Variants in GPR137B observed in about 807,000 individuals in gnomAD.
The protein encoded by GPR137B is integral membrane protein GPR137B.
In GPR137B, 42 loss-of-function variants were observed where a neutral mutation model predicts 42.5. The observed-to-expected ratio is 0.99, with a 90% confidence interval of 0.77 to 1.28. The LOEUF is 1.28. Among genes scored for constraint, GPR137B ranks in the 50% most tolerant of loss-of-function variants. The pLI is 0.00. For missense variants in GPR137B, 487 were observed against 493.9 expected (o/e 0.99, Z 0.13); for synonymous variants, 218 against 209.7 (o/e 1.04, Z -0.34).
intron 5 of GPR137B, among the ~76,000 whole-genome samples, chr1:236,189,307 C>T (rs1424926678): frequency 6.6e-5 from 10 of 151,826 alleles, no homozygotes; most frequent in African/African-American, 1.2e-4. Context: ...AAGGGTTTTT[C>T]GTGTCTCTAT....
Position 236,144,549 on chromosome 1 carries a change from AATCTTT to A in GPR137B, c.414+1514_414+1519del, listed in dbSNP as rs1661629995. 4.6e-5 allele frequency among the ~76,000 whole-genome samples: 7 copies of A among 152,366 alleles called. No homozygotes were observed. The East Asian group carries it at 7.7e-4, about 17-fold the overall frequency. ...ATATGTGATATTTTGTAGATAGTAT[AATCTTT>A]TAAAAATGGGTCTACACTCAGACTT... On this transcript the variant is annotated intron_variant, in intron 1 of 6. Coordinates refer to ENST00000366592, the MANE Select transcript of GPR137B (RefSeq NM_003272.4).
At chr1:236,164,299 T>G (rs902984855) in intron 1 of GPR137B, among the ~76,000 whole-genome samples, 13 of 152,230 alleles carry the variant, frequency 8.5e-5, no homozygotes, top group African/African-American at 3.1e-4. Context: ...TGGCCTCATT[T>G]GTTCCTTAGC....
chr1:236,152,626 C>T (rs189783105), intron 1 of GPR137B, among the ~76,000 whole-genome samples: 6 of 151,774 alleles, frequency 4.0e-5, no homozygotes, highest in Admixed American at 2.6e-4. Context: ...GCGTGGTGGG[C>T]GCCTGTAATC....
At chr1:236,206,826 G>A (rs544173934) in intron 6 of GPR137B, among the ~76,000 whole-genome samples, 2 of 104,070 alleles carry the variant, frequency 1.9e-5, no homozygotes, top group African/African-American at 5.1e-5. Flanking sequence ...GCTCTGAGAC[G>A]GTGAGGCCAG....
rs1442300398 is a variant in GPR137B at position 236,142,671 on chromosome 1, G to A, written c.49G>A (p.Glu17Lys). 1 of 1,548,510 alleles carries A rather than the reference G, an allele frequency of 6.5e-7. No individual in the cohort carries two copies. Among genetic ancestry groups the A allele is most frequent in the Non-Finnish European group, 8.7e-7 (1 of 1,152,778 alleles). ...GCGCGGCAGCGCCCCCGGCCCGATG[G>A]AGACCCCGCCGTGGGACCCAGCCCG... ...RPRGSAPGPM[E>K]TPPWDPARND... is the part of the protein sequence containing the mutation. Residue 17 changes from glutamate (E) to lysine (K), a missense_variant, in exon 1 of 7, where the codon GAG (glutamate) becomes AAG (lysine). By Grantham distance (56) the Glu-to-Lys change is moderately conservative (BLOSUM62 1). Coordinates refer to ENST00000366592, the MANE Select transcript of GPR137B (RefSeq NM_003272.4).
intron 1 of GPR137B, among the ~76,000 whole-genome samples, chr1:236,161,303 C>T (rs937902981): frequency 6.6e-5 from 10 of 152,158 alleles, no homozygotes; most frequent in African/African-American, 2.2e-4. Context: ...GGCTGGTCCA[C>T]ACCCCAGCCC....
At chr1:236,192,952 TG>T (rs2102920701) in intron 5 of GPR137B, among the ~76,000 whole-genome samples, 1 of 152,048 alleles carries the variant, frequency 6.6e-6, no homozygotes, top group South Asian at 2.1e-4. Context: ...TGGAGTGGAG[TG>T]GGGTGATCTC....
In GPR137B at chr1:236,156,567, A is replaced by G. The variant is rs1381297558; in HGVS notation, c.415-12139A>G. Among the ~76,000 whole-genome samples the G allele has an allele frequency of 6.6e-6, 1 of 152,176 alleles. No homozygotes were observed. The highest frequency in any genetic ancestry group is 1.5e-5 in the Non-Finnish European group (1 of 68,026). On this transcript the variant is annotated intron_variant, in intron 1 of 6. Coordinates refer to ENST00000366592, the MANE Select transcript of GPR137B (RefSeq NM_003272.4). This position sits in a 1 kb window ranked among gnomAD's most constrained non-coding sequence, Gnocchi z 4.8. ...GCATAGAGGCCCCGCCCTTGCTCGC[A>G]CTGTCTTGGAGACTGAGCCTCAAAT...
chr1:236,168,680 C>T (rs201752084), intron 1 of GPR137B, 26 bp from the exon 2 acceptor site: 2 of 1,600,122 alleles, frequency 1.2e-6, no homozygotes, highest in Admixed American at 1.7e-5. Context: ...TGGACCCCAA[C>T]CTGCCATGCT....
rs533354137 is a variant in GPR137B, at chr1:236,186,568, A to G, written c.966+2662A>G. 3.1e-4 allele frequency among the ~76,000 whole-genome samples: 44 copies of G among 140,678 alleles called. 1 individual carries two copies. The South Asian group carries it at 9.2e-3, about 29-fold the overall frequency. The allele number at this position is 140,678 out of a possible 152,430, so 92.3% of individuals were successfully genotyped here. A position where few individuals can be genotyped will look rare whatever the true frequency, so the allele number is the denominator to read the frequency against. On this transcript the variant is annotated intron_variant, in intron 5 of 6. Coordinates refer to ENST00000366592, the MANE Select transcript of GPR137B (RefSeq NM_003272.4). ...TGTTCTCATTGTTCAATTCCCACTT[A>G]TGAGTGAGAACATGCGGTGTTTGGT...
At chr1:236,179,623 A>G (rs1406829095) in intron 3 of GPR137B, among the ~76,000 whole-genome samples, 1 of 152,068 alleles carries the variant, frequency 6.6e-6, no homozygotes, top group East Asian at 1.9e-4. Context: ...TTGCTCGTAC[A>G]CTCTAGGCCA....
chr1:236,208,658 T>C lies in GPR137B; in HGVS notation c.*500T>C. The C allele has an allele frequency of 1.0e-6, 1 of 985,792 alleles. No homozygotes were observed. The highest frequency in any genetic ancestry group is 4.7e-5 in the South Asian group (1 of 21,284). The allele number at this position is 985,792 out of a possible 1,614,324, so 61.1% of individuals were successfully genotyped here. ...ACATTGGTAGACTCCTAAAATACAG[T>C]TGACAACTTAGCCAATTGCAACTCC... On this transcript the variant is annotated 3_prime_UTR_variant, in exon 7 of 7. Transcript: ENST00000366592.
intron 2 of GPR137B, among the ~76,000 whole-genome samples, chr1:236,170,715 C>T (rs1034512680): frequency 2.6e-5 from 4 of 152,200 alleles, no homozygotes; most frequent in Admixed American, 1.3e-4. Context: ...GTGGCTCACT[C>T]CTGTAATCCC....
At chr1:236,168,627 A>G (rs1662434145) in intron 1 of GPR137B, 79 bp from the exon 2 acceptor site, 1 of 1,057,788 alleles carries the variant, frequency 9.5e-7, no homozygotes, top group Admixed American at 1.7e-5. Context: ...GAAGGGGCAG[A>G]GGAATTCCCA....
intron 1 of GPR137B, among the ~76,000 whole-genome samples, chr1:236,163,465 G>A (rs1662257323): frequency 6.6e-6 from 1 of 152,172 alleles, no homozygotes; most frequent in African/African-American, 2.4e-5. Flanking sequence ...GGAGGGGCCA[G>A]GGATGGAATG....
intron 2 of GPR137B, among the ~76,000 whole-genome samples, chr1:236,169,176 A>AGGTGCG (rs1001319546): frequency 1.4e-5 from 2 of 139,056 alleles, no homozygotes; most frequent in African/African-American, 5.9e-5. Flanking sequence ...CTCCCACTGC[A>AGGTGCG]GGTGCAGGTG....
intron 1 of GPR137B, among the ~76,000 whole-genome samples, chr1:236,153,507 T>C (rs1315505819): frequency 6.6e-6 from 1 of 152,252 alleles, no homozygotes; most frequent in African/African-American, 2.4e-5. Flanking sequence ...GACTACATTT[T>C]ATTTATCCAT....
intron 1 of GPR137B, among the ~76,000 whole-genome samples, chr1:236,158,032 A>G (rs559008134): frequency 6.6e-6 from 1 of 152,314 alleles, no homozygotes; most frequent in Non-Finnish European, 1.5e-5. Context: ...GCCTAGCCAT[A>G]AAAACACCAA....
chr1:236,180,451 T>C (rs72767431), intron 4 of GPR137B, among the ~76,000 whole-genome samples: 11,584 of 152,090 alleles, frequency 0.076, 1,316 homozygotes, highest in African/African-American at 0.25. Flanking sequence ...TGAGTGACCT[T>C]GAGAGGTCAC....
Sources: gnomAD v4.1 joint callset for allele counts (sites outside exome capture counted in the v4.1 genomes callset) on GRCh38, gnomAD v4.1.1 for gene constraint, Gnocchi (gnomAD v3.1) non-coding constraint, MANE v1.5 for transcripts, NCBI Gene and HGNC (gene_info 2026-07-23, HGNC 2026-07-21) for gene names.